The following TTC28 variants were observed in gnomAD, a reference collection of about 807,000 sequenced individuals.
The protein encoded by TTC28 is tetratricopeptide repeat domain 28, also known as tetratricopeptide repeat protein 28.
In TTC28, 61 loss-of-function variants were observed where a neutral mutation model predicts 198.0. The ratio of observed to expected loss-of-function variants is 0.31; its 90% CI spans 0.25 to 0.38. The LOEUF (loss-of-function observed/expected upper bound fraction) is 0.38. TTC28 is among the 10% of genes least tolerant of loss of function. The probability of loss-of-function intolerance (pLI) is 1.00; values close to 1 mark genes in which losing one functional copy is unlikely to be tolerated. For missense variants in TTC28, 2,678 were observed against 3,164.0 expected (o/e 0.85, Z 3.69); for synonymous variants, 1,171 against 1,297.8 (o/e 0.90, Z 2.10).
At position 27,989,927 on chromosome 22, in the gene TTC28, G is replaced by A. The variant is rs892562663; in HGVS notation, c.5658C>T (p.Ser1886=). ...LASAPIQVSI[S]VQLWRLPGCH... The stretch of plus-strand genomic sequence containing the variant: ...ATCCCGGGAGCCGCCACAGCTGGAC[G>A]CTGATGGAGACCTGAATGGGAGCTG... The change falls in exon 21 of 23, where the codon AGC becomes AGT. Residue 1886 remains serine (S), a synonymous_variant. Coordinates refer to ENST00000397906, the MANE Select transcript of TTC28 (RefSeq NM_001145418.2). 3.2e-6 allele frequency: 5 copies of A among 1,551,412 alleles called. No individual in the cohort carries two copies. The African/African-American group carries it at 4.1e-5, about 13-fold the overall frequency.
At chr22:28,593,741 A>G (rs918915606) in intron 2 of TTC28, among the ~76,000 whole-genome samples, 7 of 152,174 alleles carry the variant, frequency 4.6e-5, no homozygotes, top group African/African-American at 1.7e-4. Context: ...ACTATTCAAA[A>G]AGGAAGTAAT....
Position 27,983,446 on chromosome 22 carries a change from C to A in TTC28, c.6221G>T (p.Arg2074Leu), listed in dbSNP as rs763343450. 1.9e-6 allele frequency: 3 copies of A among 1,546,742 alleles called. No homozygotes were observed. Among genetic ancestry groups the A allele is most frequent in the East Asian group, 2.4e-5 (1 of 40,888 alleles). Residue 2074 changes from arginine to leucine, a missense_variant, in exon 23 of 23, where the codon CGA (arginine) becomes CTA (leucine). By Grantham distance (102) the Arg-to-Leu change is moderately radical. Transcript: ENST00000397906. The part of the protein sequence containing the change: ...NEPLATYQEN[R>L]NTCFSPDHKQ... ...GTGGTCTGGTGAGAAGCATGTGTTT[C>A]GGTTTTCTTGGTAGGTCGCCAAGGG...
At chr22:28,399,877 CA>C (rs2046876901) in intron 2 of TTC28, among the ~76,000 whole-genome samples, 1 of 152,100 alleles carries the variant, frequency 6.6e-6, no homozygotes, top group African/African-American at 2.4e-5. Context: ...TCATCTTCAA[CA>C]GGCAATTTTT....
intron 5 of TTC28, among the ~76,000 whole-genome samples, chr22:28,293,361 G>T (rs2044823753): frequency 6.6e-6 from 1 of 152,068 alleles, no homozygotes; most frequent in Non-Finnish European, 1.5e-5. Context: ...AGTGAAACAG[G>T]CCAGACACAG....
chr22:28,379,555 T>C (rs999560694), intron 2 of TTC28, among the ~76,000 whole-genome samples: 5 of 152,190 alleles, frequency 3.3e-5, no homozygotes, highest in South Asian at 4.1e-4. Context: ...ATTCCACTTA[T>C]ATGAGGTAGC....
At chr22:28,022,802 A>C (rs990457299) in intron 13 of TTC28, among the ~76,000 whole-genome samples, 3 of 152,236 alleles carry the variant, frequency 2.0e-5, no homozygotes, top group African/African-American at 7.2e-5. Flanking sequence ...TATTTAAGTA[A>C]CCAGAGATGC....
intron 17 of TTC28, chr22:27,994,507 ACAGGAGGAAGTGTGTACTCACACCAGC>A (rs1305567253): frequency 1.3e-5 from 2 of 150,336 alleles, no homozygotes; most frequent in Middle Eastern, 3.4e-3. Flanking sequence ...GGCATCCCAG[ACAGGAGGAAGTGTGTACTCACACCAGC>A]CAGGAGGAAA....
intron 10 of TTC28, among the ~76,000 whole-genome samples, chr22:28,098,669 G>T: frequency 6.6e-6 from 1 of 152,086 alleles, no homozygotes; most frequent in Non-Finnish European, 1.5e-5. Flanking sequence ...GCTTCTTGGG[G>T]TCAGGAACCA....
intron 1 of TTC28, among the ~76,000 whole-genome samples, chr22:28,679,006 C>A (rs2052046519): frequency 6.6e-6 from 1 of 152,202 alleles, no homozygotes; most frequent in African/African-American, 2.4e-5. Flanking sequence ...CTCGAGAGCC[C>A]AGAGACATCC....
intron 2 of TTC28, among the ~76,000 whole-genome samples, chr22:28,520,787 A>G (rs1175806930): frequency 6.6e-6 from 1 of 152,036 alleles, no homozygotes; most frequent in Non-Finnish European, 1.5e-5. Context: ...GCAAGGTAGC[A>G]CACGCTTGTA....
At chr22:28,151,455 G>T (rs974521585) in intron 6 of TTC28, among the ~76,000 whole-genome samples, 2 of 152,182 alleles carry the variant, frequency 1.3e-5, no homozygotes, top group African/African-American at 4.8e-5. Context: ...AAAATTTACT[G>T]CCCCGTCTTC....
At chr22:28,104,691 C>A (rs978263810) in intron 8 of TTC28, among the ~76,000 whole-genome samples, 1 of 152,170 alleles carries the variant, frequency 6.6e-6, no homozygotes, top group Non-Finnish European at 1.5e-5. Context: ...ACTGTGGCAC[C>A]AACCCAAGCA....
chr22:28,381,479 A>G lies in TTC28; in HGVS notation c.382-74836T>C, dbSNP rs538352403. 2.0e-3 allele frequency among the ~76,000 whole-genome samples: 303 copies of G among 152,232 alleles called. 2 individuals are homozygous for G. Among genetic ancestry groups the G allele is most frequent in the Middle Eastern group, 6.8e-3 (2 of 294 alleles). ...AAGGACGGAGCTTCCCTATTAGTAGATGGTGCCTTCCTGTCTGCTGCATTT... is the reference window on the plus strand; with the variant it reads ...AAGGACGGAGCTTCCCTATTAGTAGGTGGTGCCTTCCTGTCTGCTGCATTT... On this transcript the variant is annotated intron_variant, in intron 2 of 22. Transcript: ENST00000397906.
intron 12 of TTC28, among the ~76,000 whole-genome samples, chr22:28,053,341 A>G (rs1216894866): frequency 6.6e-6 from 1 of 152,238 alleles, no homozygotes; most frequent in Non-Finnish European, 1.5e-5. Context: ...AAGAAGCATA[A>G]TCAGATAGTG....
chr22:28,383,485 T>C (rs2046528179), intron 2 of TTC28, among the ~76,000 whole-genome samples: 1 of 152,218 alleles, frequency 6.6e-6, no homozygotes, highest in Non-Finnish European at 1.5e-5. Flanking sequence ...AAATCTCCAC[T>C]TGGATATCTA....
At chr22:28,284,704 T>C (rs1046934648) in intron 5 of TTC28, among the ~76,000 whole-genome samples, 2 of 152,274 alleles carry the variant, frequency 1.3e-5, no homozygotes, top group East Asian at 3.9e-4. Context: ...ATAACATTTT[T>C]ACAAAGAACA....
At chr22:28,597,859 A>G (rs1422365467) in intron 2 of TTC28, among the ~76,000 whole-genome samples, 1 of 152,044 alleles carries the variant, frequency 6.6e-6, no homozygotes, top group Non-Finnish European at 1.5e-5. Context: ...TGGCGCAATC[A>G]TACCTCACTG....
rs151095064 is a variant in TTC28 at position 28,296,079 on chromosome 22, T to C, written c.933+119A>G. 3 of 1,101,558 alleles carry C rather than the reference T, an allele frequency of 2.7e-6. No individual in the cohort carries two copies. The East Asian group carries it at 7.9e-5, about 29-fold the overall frequency. The allele number at this position is 1,101,558 out of a possible 1,614,324, so 68.2% of individuals were successfully genotyped here. A position where few individuals can be genotyped will look rare whatever the true frequency, so the allele number is the denominator to read the frequency against. ...AACAGAATCAGTAAGTCTCAAGTAA[T>C]ACTTTCTTCTGAAAGTAATATTTTA... On this transcript the variant is annotated intron_variant, in intron 5 of 22. Transcript: ENST00000397906.
chr22:28,342,923 C>T (rs746300892), intron 2 of TTC28, among the ~76,000 whole-genome samples: 2 of 152,052 alleles, frequency 1.3e-5, no homozygotes, highest in African/African-American at 2.4e-5. Flanking sequence ...ATTAGGTCCA[C>T]GAGAGGAAAT....
Sources: gnomAD v4.1 joint callset for allele counts (sites outside exome capture counted in the v4.1 genomes callset) on GRCh38, gnomAD v4.1.1 for gene constraint, MANE v1.5 for transcripts, NCBI Gene and HGNC (gene_info 2026-07-23, HGNC 2026-07-21) for gene names.